Variants in NCR1 observed in about 807,000 individuals in gnomAD.
The protein encoded by NCR1 is natural cytotoxicity triggering receptor 1.
Under a neutral mutation model 32.5 loss-of-function variants are expected in NCR1, and 30 were observed. That is an observed-to-expected ratio of 0.92 (90% CI 0.69 to 1.25). NCR1 has a LOEUF of 1.25. NCR1 is among the 50% of genes most tolerant of loss of function. The pLI is 0.00. For missense variants in NCR1, 369 were observed against 380.7 expected (o/e 0.97, Z 0.26); for synonymous variants, 169 against 143.4 (o/e 1.18, Z -1.28).
downstream of NCR1, among the ~76,000 whole-genome samples, chr19:54,916,411 C>T (rs1420026865): frequency 6.7e-5 from 10 of 149,760 alleles, no homozygotes; most frequent in Admixed American, 4.7e-4. Flanking sequence ...CTCCGCCTCC[C>T]GGGTTCAAGC....
chr19:54,919,723 C>T (rs546005181), downstream of NCR1, among the ~76,000 whole-genome samples: 1 of 147,906 alleles, frequency 6.8e-6, no homozygotes, highest in Non-Finnish European at 1.5e-5. Context: ...GACCCCCCCC[C>T]CCACCCGCTG....
chr19:54,909,281 G>C lies in NCR1; in HGVS notation c.392G>C (p.Gly131Ala). The stretch of plus-strand genomic sequence containing the variant: ...ACACCCACCCTCTCGGTTCATCCTG[G>C]ACCCGAAGTGATCTCGGGAGAGAAG... ...YDTPTLSVHP[G>A]PEVISGEKVT... The change falls in exon 4 of 7, where the codon GGA (glycine) becomes GCA (alanine). Residue 131 changes from glycine (G) to alanine (A), a missense_variant. Physicochemically the swap from Gly to Ala is moderately conservative, Grantham distance 60. Transcript: ENST00000291890. 1.2e-6 allele frequency: 2 copies of C among 1,614,034 alleles called. No homozygotes were observed. The highest frequency in any genetic ancestry group is 1.7e-6 in the Non-Finnish European group (2 of 1,180,004).
At chr19:54,916,855 G>T (rs892277964), downstream of NCR1, among the ~76,000 whole-genome samples, 1 of 150,060 alleles carries the variant, frequency 6.7e-6, no homozygotes, top group Admixed American at 6.7e-5. Flanking sequence ...CTGAGCCACC[G>T]CGCCCAGCCA....
downstream of NCR1, among the ~76,000 whole-genome samples, chr19:54,916,697 GTTCTATTTTT>G (rs2068141798): frequency 8.9e-6 from 1 of 112,418 alleles, no homozygotes; most frequent in African/African-American, 3.5e-5. Context: ...GAGATCAACT[GTTCTATTTTT>G]TTTTTTTTTT....
At chr19:54,925,115 A>C in the NCR1 span, among the ~76,000 whole-genome samples, 1 of 152,228 alleles carries the variant, frequency 6.6e-6, no homozygotes, top group Admixed American at 6.6e-5. Flanking sequence ...TATGTTGCCC[A>C]GGCTGGTCTC....
the NCR1 span, among the ~76,000 whole-genome samples, chr19:54,931,001 C>T: frequency 2.0e-5 from 3 of 151,904 alleles, no homozygotes; most frequent in Non-Finnish European, 2.9e-5. Flanking sequence ...CCAGCCCGGG[C>T]GACAGAGCGA....
chr19:54,907,577 A>G (rs1004022120), intron 3 of NCR1, among the ~76,000 whole-genome samples: 2 of 151,328 alleles, frequency 1.3e-5, no homozygotes, highest in Non-Finnish European at 2.9e-5. Flanking sequence ...GTGCTATACA[A>G]TTAGGTTTGT....
chr19:54,898,265 G>A, the NCR1 span, among the ~76,000 whole-genome samples: 21 of 152,314 alleles, frequency 1.4e-4, no homozygotes, highest in East Asian at 1.9e-3. Flanking sequence ...GTGGGGTCCC[G>A]CACAGATGGG....
chr19:54,921,054 A>G (rs910672872), downstream of NCR1, among the ~76,000 whole-genome samples: 2 of 152,196 alleles, frequency 1.3e-5, no homozygotes, highest in Non-Finnish European at 2.9e-5. Context: ...TATTTAGGGG[A>G]AAAAAACTTC....
chr19:54,907,150 T>G (rs940516826), intron 3 of NCR1, among the ~76,000 whole-genome samples: 22 of 135,784 alleles, frequency 1.6e-4, no homozygotes, highest in Non-Finnish European at 2.7e-4. Context: ...AGGTGGTGGG[T>G]TTTTTTTTTT....
the NCR1 span, chr19:54,937,920 AAGAC>A: frequency 1.3e-6 from 1 of 779,280 alleles, no homozygotes; most frequent in Admixed American, 2.2e-5. Flanking sequence ...AAAAAAAAAA[AAGAC>A]AGCTGGAAAA....
intron 3 of NCR1, among the ~76,000 whole-genome samples, chr19:54,907,152 T>G (rs587767306): frequency 2.2e-4 from 33 of 151,518 alleles, no homozygotes; most frequent in Middle Eastern, 3.4e-3. Flanking sequence ...GTGGTGGGTT[T>G]TTTTTTTTTT....
At chr19:54,919,714 A>ACCC (rs58529355), downstream of NCR1, among the ~76,000 whole-genome samples, 2,242 of 99,600 alleles carry the variant, frequency 0.023, 73 homozygotes, top group East Asian at 0.16. Flanking sequence ...GGAAAGGGAG[A>ACCC]CCCCCCCCCC....
chr19:54,909,314 T>C lies in NCR1; in HGVS notation c.425T>C (p.Phe142Ser). Residue 142 changes from phenylalanine to serine, a missense_variant, in exon 4 of 7, where the codon TTC becomes TCC. Physicochemically the swap from Phe to Ser is radical, Grantham distance 155. Coordinates refer to ENST00000291890, the MANE Select transcript of NCR1 (RefSeq NM_004829.7). ...GTGATCTCGGGAGAGAAGGTGACCT[T>C]CTACTGCCGTCTAGACACTGCAACA... ...PEVISGEKVT[F>S]YCRLDTATSM... 6.2e-7 allele frequency: 1 copy of C among 1,614,056 alleles called. No homozygotes were observed. The highest frequency in any genetic ancestry group is 1.1e-5 in the South Asian group (1 of 91,068).
In NCR1 at chr19:54,913,016, C is replaced by T. The variant is rs1291417168; in HGVS notation, c.*145C>T. On this transcript the variant is annotated 3_prime_UTR_variant, in exon 7 of 7. Coordinates refer to ENST00000291890, the MANE Select transcript of NCR1 (RefSeq NM_004829.7). ...TGGCATTCCATTTGTCAGAGCATCC[C>T]GGACGATGCAGAGGGTGGGAGAACT... 4.2e-5 allele frequency: 30 copies of T among 713,360 alleles called. No homozygotes were observed. The highest frequency in any genetic ancestry group is 6.7e-4 in the Middle Eastern group (2 of 2,972). The allele number at this position is 713,360 out of a possible 1,614,324, so 44.2% of individuals were successfully genotyped here.
rs2067885233 is a variant in NCR1, at chr19:54,910,040, T to C, written c.657T>C (p.Leu219=). The change falls in exon 5 of 7, where the codon CTT becomes CTC. Residue 219 remains leucine (L), a synonymous_variant. Coordinates refer to ENST00000291890, the MANE Select transcript of NCR1 (RefSeq NM_004829.7). ...LVTGDIENTS[L]APEDPTFPAD... ...CAGGCGACATTGAGAACACCAGCCT[T>C]GCACCTGAAGACCCCACCTTTCCTG... 6.2e-7 allele frequency: 1 copy of C among 1,613,960 alleles called. No homozygotes were observed. The highest frequency in any genetic ancestry group is 1.1e-5 in the South Asian group (1 of 91,070).
downstream of NCR1, among the ~76,000 whole-genome samples, chr19:54,917,996 G>A (rs570629597): frequency 1.3e-5 from 2 of 151,900 alleles, no homozygotes; most frequent in East Asian, 1.9e-4. Context: ...TTGCTCTGTC[G>A]CCCAGGCTGG....
downstream of NCR1, among the ~76,000 whole-genome samples, chr19:54,914,332 G>C (rs2068089215): frequency 6.6e-6 from 1 of 151,478 alleles, no homozygotes; most frequent in African/African-American, 2.4e-5. Flanking sequence ...TTTAACATTA[G>C]GTATATCTCC....
chr19:54,900,768 G>A, the NCR1 span, among the ~76,000 whole-genome samples: 49 of 152,168 alleles, frequency 3.2e-4, no homozygotes, highest in Admixed American at 9.2e-4. Context: ...AGAGACAGAA[G>A]ATGAGTGGTT....
Sources: gnomAD v4.1 joint callset for allele counts (sites outside exome capture counted in the v4.1 genomes callset) on GRCh38, gnomAD v4.1.1 for gene constraint, MANE v1.5 for transcripts, NCBI Gene and HGNC (gene_info 2026-07-23, HGNC 2026-07-21) for gene names.